STAG1: variants seen among roughly 807,000 people sequenced by gnomAD.
The protein encoded by STAG1 is cohesin subunit SA-1.
A neutral mutation model predicts 170.9 loss-of-function variants in STAG1; 26 were observed. The observed-to-expected ratio is 0.15, with a 90% CI of 0.11 to 0.21. STAG1 has a LOEUF of 0.21. STAG1 is among the 10% of genes least tolerant of loss of function. The probability of loss-of-function intolerance (pLI) is 1.00; values close to 1 mark genes in which losing one functional copy is unlikely to be tolerated. For missense variants in STAG1, 964 were observed against 1,509.5 expected (o/e 0.64, Z 5.99); for synonymous variants, 514 against 497.7 (o/e 1.03, Z -0.44).
chr3:136,433,073 C>T (rs1306973582), intron 16 of STAG1, among the ~76,000 whole-genome samples: 4 of 151,098 alleles, frequency 2.6e-5, no homozygotes, highest in African/African-American at 9.7e-5. Context: ...GAAAGATCTG[C>T]CTACCTCTTC....
chr3:136,679,841 G>C (rs1377643064), intron 1 of STAG1, among the ~76,000 whole-genome samples: 1 of 151,830 alleles, frequency 6.6e-6, no homozygotes, highest in Non-Finnish European at 1.5e-5. Flanking sequence ...GGCGGAGGTT[G>C]CAGTGACCCG....
intron 1 of STAG1, among the ~76,000 whole-genome samples, chr3:136,692,675 G>A (rs985411860): frequency 3.9e-5 from 6 of 151,952 alleles, no homozygotes; most frequent in Non-Finnish European, 7.4e-5. Context: ...TTTACTATCA[G>A]TTGATATGAA....
intron 22 of STAG1, among the ~76,000 whole-genome samples, chr3:136,397,604 T>C (rs529181080): frequency 6.6e-6 from 1 of 152,254 alleles, no homozygotes; most frequent in South Asian, 2.1e-4. Flanking sequence ...CCCCAGCCCC[T>C]GAAGGAAACT....
At chr3:136,528,492 G>GCCCC (rs763709959) in intron 6 of STAG1, among the ~76,000 whole-genome samples, 9 of 22,088 alleles carry the variant, frequency 4.1e-4, no homozygotes, top group Non-Finnish European at 8.0e-4. Context: ...AGATGTCCCC[G>GCCCC]CACCCCCCCC....
At position 136,489,081 on chromosome 3, in the gene STAG1, C is replaced by G. The variant is rs762669126; in HGVS notation, c.902+11142G>C. Among the ~76,000 whole-genome samples the G allele has an allele frequency of 2.0e-5, 3 of 152,114 alleles. No individual in the cohort carries two copies. The East Asian group carries it at 5.8e-4, about 29-fold the overall frequency. ...AGCATTCAGGCCTTGAAATTAAAAA[C>G]TAAACATGAAGGCTTTACTTGGAAA... On this transcript the variant is annotated intron_variant, in intron 9 of 33. Coordinates refer to ENST00000383202, the MANE Select transcript of STAG1 (RefSeq NM_005862.3).
chr3:136,709,571 AAAAAT>A (rs756170135), intron 1 of STAG1, among the ~76,000 whole-genome samples: 6 of 151,846 alleles, frequency 4.0e-5, no homozygotes, highest in Non-Finnish European at 7.4e-5. Flanking sequence ...CCATCTCTAA[AAAAAT>A]AAAATAAAAT....
At chr3:136,744,801 G>A (rs1217444329) in intron 1 of STAG1, among the ~76,000 whole-genome samples, 1 of 150,104 alleles carries the variant, frequency 6.7e-6, no homozygotes, top group African/African-American at 2.5e-5. Flanking sequence ...TCAGCCTCCC[G>A]AGCAGCTGGG....
chr3:136,620,959 C>T (rs1939819703), intron 3 of STAG1, among the ~76,000 whole-genome samples: 1 of 152,130 alleles, frequency 6.6e-6, no homozygotes, highest in South Asian at 2.1e-4. Context: ...AACCCCATCT[C>T]TACTAAAAAA....
intron 4 of STAG1, among the ~76,000 whole-genome samples, chr3:136,571,265 C>T (rs1937257810): frequency 6.6e-6 from 1 of 151,192 alleles, no homozygotes; most frequent in Non-Finnish European, 1.5e-5. Context: ...CAGGAACCTG[C>T]ATCAGAAATA....
chr3:136,685,607 A>G (rs558822145), intron 1 of STAG1, among the ~76,000 whole-genome samples: 1 of 152,344 alleles, frequency 6.6e-6, no homozygotes, highest in South Asian at 2.1e-4. Context: ...AACTGTGCTA[A>G]AAGAAATGAG....
At chr3:136,477,158 T>A in intron 10 of STAG1, 131 bp downstream of exon 10, 1 of 947,054 alleles carries the variant, frequency 1.1e-6, no homozygotes. Flanking sequence ...AAATAGTTAT[T>A]CAGCTGCATC....
chr3:136,463,572 T>C (rs1046445239), intron 13 of STAG1, among the ~76,000 whole-genome samples: 12 of 151,768 alleles, frequency 7.9e-5, no homozygotes, highest in Non-Finnish European at 1.3e-4. Context: ...AAGAATATGT[T>C]TATATTTTAA....
intron 1 of STAG1, among the ~76,000 whole-genome samples, chr3:136,634,298 A>G (rs1940461497): frequency 6.6e-6 from 1 of 152,020 alleles, no homozygotes; most frequent in Non-Finnish European, 1.5e-5. Flanking sequence ...TTGAGGCTAC[A>G]GTGAGCCATG....
At chr3:136,524,108 G>A (rs565258407) in intron 6 of STAG1, among the ~76,000 whole-genome samples, 18 of 152,292 alleles carry the variant, frequency 1.2e-4, no homozygotes, top group Non-Finnish European at 2.2e-4. Context: ...GAACTTTAAA[G>A]TAGTTTTTTC....
intron 1 of STAG1, among the ~76,000 whole-genome samples, chr3:136,638,490 A>G (rs1269570222): frequency 6.6e-6 from 1 of 152,172 alleles, no homozygotes; most frequent in East Asian, 1.9e-4. Context: ...AATTAAAAAT[A>G]TGTGTGTGTA....
At chr3:136,463,735 A>ATGTGTGTGTGTG (rs140989476) in intron 13 of STAG1, among the ~76,000 whole-genome samples, 1,013 of 101,194 alleles carry the variant, frequency 0.01, 14 homozygotes, top group East Asian at 0.03. Flanking sequence ...AAATGTGTAT[A>ATGTGTGTGTGTG]TGTGTGTGTG....
chr3:136,502,181 A>C (rs115221302), intron 8 of STAG1, among the ~76,000 whole-genome samples: 6,261 of 148,020 alleles, frequency 0.042, 377 homozygotes, highest in African/African-American at 0.14. Context: ...TCCATCCCCC[A>C]AAAAAAAAAC....
chr3:136,713,049 G>A (rs1220944475), intron 1 of STAG1, among the ~76,000 whole-genome samples: 3 of 152,026 alleles, frequency 2.0e-5, no homozygotes, highest in Non-Finnish European at 2.9e-5. Context: ...CCAAGATTGC[G>A]CCACTGCACT....
chr3:136,371,669 T>A (rs1347157232), intron 23 of STAG1, among the ~76,000 whole-genome samples: 1 of 152,200 alleles, frequency 6.6e-6, no homozygotes, highest in African/African-American at 2.4e-5. Context: ...TAGTTGTAGA[T>A]ATGCGGCATT....
Sources: allele counts gnomAD v4.1 joint callset (sites outside exome capture counted in the v4.1 genomes callset), GRCh38; gene constraint gnomAD v4.1.1; transcripts MANE v1.5; gene names NCBI Gene and HGNC (gene_info 2026-07-23, HGNC 2026-07-21).